LUZP2: variants seen among roughly 807,000 people sequenced by gnomAD.
LUZP2 encodes the protein leucine zipper protein 2.
LUZP2 carries 52 observed loss-of-function variants against 51.6 expected under a neutral mutation model. The observed-to-expected ratio is 1.01, with a 90% CI of 0.81 to 1.27. The LOEUF (loss-of-function observed/expected upper bound fraction) is 1.27, where lower values mean the gene tolerates loss of function less well. Among genes scored for constraint, LUZP2 ranks in the 50% most tolerant of loss-of-function variants. The pLI is 0.00. For missense variants in LUZP2, 436 were observed against 395.4 expected (o/e 1.10, Z -0.87); for synonymous variants, 154 against 137.3 (o/e 1.12, Z -0.85).
intron 1 of LUZP2, among the ~76,000 whole-genome samples, chr11:24,594,040 TA>T (rs1200281510): frequency 6.6e-6 from 1 of 152,188 alleles, no homozygotes; most frequent in East Asian, 1.9e-4. Context: ...GGATAAGTGC[TA>T]AAAAATAAAG....
intron 1 of LUZP2, among the ~76,000 whole-genome samples, chr11:24,622,670 T>C: frequency 6.6e-6 from 1 of 152,324 alleles, no homozygotes; most frequent in East Asian, 1.9e-4. Context: ...TAACTTTGGA[T>C]AATTAATTTT....
intron 1 of LUZP2, among the ~76,000 whole-genome samples, chr11:24,572,593 T>G (rs1241052128): frequency 2.6e-5 from 4 of 152,106 alleles, no homozygotes; most frequent in East Asian, 3.9e-4. Context: ...ACCACATATG[T>G]AAAACTACTC....
At chr11:24,712,249 C>T (rs576788168) in intron 1 of LUZP2, among the ~76,000 whole-genome samples, 1 of 152,018 alleles carries the variant, frequency 6.6e-6, no homozygotes, top group East Asian at 1.9e-4. Flanking sequence ...GGTGAGACCC[C>T]ATCTCTGTAA....
chr11:24,858,504 T>C (rs1851636328), intron 5 of LUZP2, among the ~76,000 whole-genome samples: 1 of 152,058 alleles, frequency 6.6e-6, no homozygotes, highest in Admixed American at 6.6e-5. Context: ...CTAGAGAAAA[T>C]GGAATGTAAA....
At chr11:25,030,492 T>C (rs936423781) in intron 9 of LUZP2, among the ~76,000 whole-genome samples, 1 of 152,020 alleles carries the variant, frequency 6.6e-6, no homozygotes, top group Non-Finnish European at 1.5e-5. Context: ...TTAAAGAATA[T>C]TGACAATTCT....
intron 5 of LUZP2, among the ~76,000 whole-genome samples, chr11:24,813,978 A>G (rs1339184931): frequency 6.6e-6 from 1 of 152,236 alleles, no homozygotes; most frequent in Non-Finnish European, 1.5e-5. Context: ...AGTGGCTGTC[A>G]TGAGAAATGA....
intron 1 of LUZP2, among the ~76,000 whole-genome samples, chr11:24,653,285 C>A (rs767763316): frequency 3.6e-4 from 55 of 152,020 alleles, no homozygotes; most frequent in Admixed American, 2.9e-3. Flanking sequence ...TATTTTTTAC[C>A]GAATTGAATG....
chr11:24,729,350 T>C, intron 2 of LUZP2, 64 bp downstream of exon 2: 5 of 799,062 alleles, frequency 6.3e-6, no homozygotes, highest in Non-Finnish European at 9.7e-6. Flanking sequence ...TCTGAGTGGA[T>C]TGACATGCAT....
At chr11:24,526,782 T>A (rs1258637248) in intron 1 of LUZP2, among the ~76,000 whole-genome samples, 1 of 151,306 alleles carries the variant, frequency 6.6e-6, no homozygotes, top group African/African-American at 2.4e-5. Context: ...TTTTTTTTGG[T>A]CCTATTGATA....
At chr11:25,036,931 G>T (rs1857883493) in intron 9 of LUZP2, among the ~76,000 whole-genome samples, 1 of 152,090 alleles carries the variant, frequency 6.6e-6, no homozygotes, top group Non-Finnish European at 1.5e-5. Context: ...TATATCCTAT[G>T]GTTGTTGAGT....
At chr11:24,780,953 T>C (rs10219199) in intron 5 of LUZP2, among the ~76,000 whole-genome samples, 3,969 of 152,268 alleles carry the variant, frequency 0.026, 114 homozygotes, top group African/African-American at 0.072. Context: ...ACAGTTTTTA[T>C]GTGAAGAAAT....
At chr11:24,986,178 C>A (rs915299618) in intron 9 of LUZP2, among the ~76,000 whole-genome samples, 1 of 151,614 alleles carries the variant, frequency 6.6e-6, no homozygotes, top group Non-Finnish European at 1.5e-5. Context: ...CTGGCTTATA[C>A]ATGCTTGCAA....
intron 9 of LUZP2, among the ~76,000 whole-genome samples, chr11:25,002,571 C>T (rs1856715788): frequency 6.6e-6 from 1 of 152,106 alleles, no homozygotes; most frequent in African/African-American, 2.4e-5. Context: ...AGATCCTTTC[C>T]TTGTATTATT....
chr11:24,931,807 A>G (rs1370730119), intron 7 of LUZP2, among the ~76,000 whole-genome samples: 1 of 151,874 alleles, frequency 6.6e-6, no homozygotes. Context: ...GTGTTACAGA[A>G]CCTTGTTTTG....
chr11:24,994,017 C>T (rs545168778), intron 9 of LUZP2, among the ~76,000 whole-genome samples: 17 of 152,166 alleles, frequency 1.1e-4, no homozygotes, highest in Non-Finnish European at 1.9e-4. Context: ...CGTGCCAACA[C>T]GCCCGACTAA....
At chr11:24,578,926 A>C (rs1389011122) in intron 1 of LUZP2, among the ~76,000 whole-genome samples, 1 of 152,120 alleles carries the variant, frequency 6.6e-6, no homozygotes, top group African/African-American at 2.4e-5. Flanking sequence ...ATCTAAAATA[A>C]AAGTTGACAT....
chr11:24,601,028 C>T (rs1022896476), intron 1 of LUZP2, among the ~76,000 whole-genome samples: 7 of 151,994 alleles, frequency 4.6e-5, no homozygotes, highest in Non-Finnish European at 7.4e-5. Flanking sequence ...TGATTGAACC[C>T]AATCTAATCA....
Position 24,766,624 on chromosome 11 carries a change from A to C in LUZP2, c.396+3316A>C, listed in dbSNP as rs560032086. ...TCTGCATCAAATTTTAATTTTGATG[A>C]TAGTGTGCTTTGTTAGAAGTCAATT... On this transcript the variant is annotated intron_variant, in intron 5 of 11. Coordinates refer to ENST00000336930, the MANE Select transcript of LUZP2 (RefSeq NM_001009909.4). Among the ~76,000 whole-genome samples, 6 of 152,318 alleles carry C rather than the reference A, an allele frequency of 3.9e-5. No homozygotes were observed. The South Asian group carries it at 1.0e-3, about 26-fold the overall frequency.
rs144630766 is a variant in LUZP2 at position 24,567,633 on chromosome 11, C to T, written c.62+70328C>T. ...CCCCAATAAGATTAACAGAAGAAGA[C>T]TTCTTATCAGAAGCAATGGTGGCCA... is the stretch of plus-strand genomic sequence containing the variant. On this transcript the variant is annotated intron_variant, in intron 1 of 11. Transcript: ENST00000336930. 1.8e-4 allele frequency among the ~76,000 whole-genome samples: 27 copies of T among 152,110 alleles called. No individual in the cohort carries two copies. The East Asian group carries it at 5.2e-3, about 29-fold the overall frequency.
Sources: gnomAD v4.1 joint callset for allele counts (sites outside exome capture counted in the v4.1 genomes callset) on GRCh38, gnomAD v4.1.1 for gene constraint, MANE v1.5 for transcripts, NCBI Gene and HGNC (gene_info 2026-07-23, HGNC 2026-07-21) for gene names.